The following MDGA2 variants were observed in gnomAD, a reference collection of about 807,000 sequenced individuals.
MDGA2 encodes the protein MAM domain containing glycosylphosphatidylinositol anchor 2.
MDGA2 carries 40 observed loss-of-function variants against 117.8 expected under a neutral mutation model. The observed-to-expected ratio is 0.34, with a 90% CI of 0.26 to 0.44. MDGA2 has a LOEUF of 0.44. Among genes scored for constraint, MDGA2 ranks in the 20% least tolerant of loss-of-function variants. MDGA2 has a pLI of 1.00. For synonymous variants in MDGA2, 452 were observed against 439.0 expected (o/e 1.03, Z -0.37); for missense variants, 1,123 against 1,250.6 (o/e 0.90, Z 1.54).
chr14:47,287,288 G>C (rs1018308473), intron 2 of MDGA2, among the ~76,000 whole-genome samples: 6 of 152,064 alleles, frequency 3.9e-5, no homozygotes, highest in African/African-American at 4.8e-5. Flanking sequence ...AGTTAGCAAA[G>C]AGGAAGGGGT....
At chr14:46,881,999 T>C (rs1365040359) in intron 11 of MDGA2, 45 bp downstream of exon 11, 5 of 1,332,122 alleles carry the variant, frequency 3.8e-6, no homozygotes, top group African/African-American at 1.5e-5. Context: ...ATTTTCCATA[T>C]AGTTAAATAT....
At chr14:47,013,154 G>GAAGC (rs1887955334) in intron 8 of MDGA2, among the ~76,000 whole-genome samples, 1 of 152,120 alleles carries the variant, frequency 6.6e-6, no homozygotes, top group Non-Finnish European at 1.5e-5. Context: ...AAGCATGTCT[G>GAAGC]GTGTTTGATA....
intron 10 of MDGA2, among the ~76,000 whole-genome samples, chr14:46,906,299 T>C (rs1436412947): frequency 1.3e-5 from 2 of 151,678 alleles, no homozygotes; most frequent in Admixed American, 6.6e-5. Flanking sequence ...ATAATAATAA[T>C]AATAATAATT....
intron 14 of MDGA2, among the ~76,000 whole-genome samples, chr14:46,868,551 T>C (rs973894451): frequency 6.6e-6 from 1 of 151,984 alleles, no homozygotes; most frequent in Non-Finnish European, 1.5e-5. Flanking sequence ...GCATATATCC[T>C]TGAGGTCCTG....
intron 2 of MDGA2, among the ~76,000 whole-genome samples, chr14:47,290,384 G>A (rs1888840877): frequency 6.6e-6 from 1 of 152,006 alleles, no homozygotes; most frequent in Non-Finnish European, 1.5e-5. Context: ...GAATCTGCAG[G>A]TGCCTTAATC....
intron 1 of MDGA2, among the ~76,000 whole-genome samples, chr14:47,381,287 T>C (rs1891618789): frequency 6.6e-6 from 1 of 152,200 alleles, no homozygotes; most frequent in Admixed American, 6.5e-5. Flanking sequence ...AGCATTCCCT[T>C]TGAAAACTGG....
intron 1 of MDGA2, among the ~76,000 whole-genome samples, chr14:47,343,787 C>T (rs186656638): frequency 1.2e-3 from 184 of 151,646 alleles, no homozygotes; most frequent in Middle Eastern, 6.8e-3. Flanking sequence ...TGTATTCAAA[C>T]ATTCACAATT....
chr14:47,286,539 G>A (rs1054753798), intron 2 of MDGA2, among the ~76,000 whole-genome samples: 1 of 151,766 alleles, frequency 6.6e-6, no homozygotes, highest in Non-Finnish European at 1.5e-5. Context: ...TTCCATCCAT[G>A]GTGTAGCAAA....
Position 46,957,549 on chromosome 14 carries a change from T to C in MDGA2, c.1914A>G (p.Ile638Met), listed in dbSNP as rs575085956. Reference sequence around the variant, plus strand: ...AGCGCCACTCATAGGTCAGCACCCGTATTGGATAGGCTCTCAGTACTCTGC... The same window carrying C: ...AGCGCCACTCATAGGTCAGCACCCGCATTGGATAGGCTCTCAGTACTCTGC... ...MSCRVLRAYP[I>M]RVLTYEWRLG... The change falls in exon 9 of 17, where the codon ATA (isoleucine) becomes ATG (methionine). Residue 638 changes from isoleucine to methionine, a missense_variant. Transcript: ENST00000399232. 1 of 1,614,184 alleles carries C rather than the reference T, an allele frequency of 6.2e-7. No individual in the cohort carries two copies. Among genetic ancestry groups the C allele is most frequent in the Non-Finnish European group, 8.5e-7 (1 of 1,180,020 alleles).
intron 1 of MDGA2, among the ~76,000 whole-genome samples, chr14:47,447,706 T>C (rs112565120): frequency 4.3e-4 from 65 of 152,280 alleles, no homozygotes; most frequent in African/African-American, 1.4e-3. Flanking sequence ...TTATCATCCA[T>C]GGGAAATGTA....
intron 2 of MDGA2, among the ~76,000 whole-genome samples, chr14:47,270,791 T>TGG (rs1447590018): frequency 6.6e-6 from 1 of 152,096 alleles, no homozygotes; most frequent in Non-Finnish European, 1.5e-5. Flanking sequence ...TGTGTGTGTG[T>TGG]GGGCACGTGA....
chr14:47,205,329 A>C (rs1421890438), intron 3 of MDGA2, among the ~76,000 whole-genome samples: 2 of 151,840 alleles, frequency 1.3e-5, no homozygotes, highest in Non-Finnish European at 2.9e-5. Context: ...TGTGCTTATG[A>C]TCTTATGTCT....
At chr14:47,162,497 C>T (rs1248599374) in intron 3 of MDGA2, among the ~76,000 whole-genome samples, 1 of 151,962 alleles carries the variant, frequency 6.6e-6, no homozygotes, top group Non-Finnish European at 1.5e-5. Flanking sequence ...GATATAAATC[C>T]TTTTTTAAAA....
chr14:47,087,981 G>A (rs145553659), intron 6 of MDGA2, among the ~76,000 whole-genome samples: 278 of 151,994 alleles, frequency 1.8e-3, no homozygotes, highest in African/African-American at 6.3e-3. Context: ...TAAATATGAC[G>A]AGAGACTCCA....
chr14:47,051,800 T>C (rs1255862952), intron 7 of MDGA2, among the ~76,000 whole-genome samples: 4 of 151,950 alleles, frequency 2.6e-5, no homozygotes, highest in Admixed American at 6.6e-5. Flanking sequence ...TCATCATAAA[T>C]ACTGCTATTT....
chr14:47,058,280 G>A (rs1301589882), intron 7 of MDGA2, among the ~76,000 whole-genome samples: 3 of 152,078 alleles, frequency 2.0e-5, no homozygotes, highest in African/African-American at 7.2e-5. Flanking sequence ...GTTTTAAAAT[G>A]TCACCCTAAA....
chr14:47,142,459 A>ACAAACAAACAAACAAACAAG (rs1555357666), intron 4 of MDGA2, among the ~76,000 whole-genome samples: 8 of 152,018 alleles, frequency 5.3e-5, no homozygotes, highest in South Asian at 2.1e-4. Flanking sequence ...AAACAAACAA[A>ACAAACAAACAAACAAACAAG]CAAACAAACA....
chr14:47,003,999 A>G (rs1376461288), intron 8 of MDGA2, among the ~76,000 whole-genome samples: 1 of 151,984 alleles, frequency 6.6e-6, no homozygotes, highest in Non-Finnish European at 1.5e-5. Context: ...AAAGACACTT[A>G]GAAGAATGAA....
chr14:47,662,122 G>A (rs1300150340), intron 1 of MDGA2, among the ~76,000 whole-genome samples: 1 of 152,124 alleles, frequency 6.6e-6, no homozygotes. Flanking sequence ...CACAAACTGA[G>A]TATTAGGTGA....
Sources: gnomAD v4.1 joint callset for allele counts (sites outside exome capture counted in the v4.1 genomes callset) on GRCh38, gnomAD v4.1.1 for gene constraint, MANE v1.5 for transcripts, NCBI Gene and HGNC (gene_info 2026-07-23, HGNC 2026-07-21) for gene names.